The following TRPS1 variants were observed in gnomAD, a reference collection of about 807,000 sequenced individuals.
The protein encoded by TRPS1 is transcriptional repressor GATA binding 1.
In TRPS1, 6 loss-of-function variants were observed where a neutral mutation model predicts 101.2. The observed-to-expected ratio is 0.06, with a 90% CI of 0.03 to 0.12. TRPS1 has a LOEUF of 0.12. Among genes scored for constraint, TRPS1 ranks in the 10% least tolerant of loss-of-function variants. The pLI is 1.00. For synonymous variants in TRPS1, 578 were observed against 589.8 expected (o/e 0.98, Z 0.29); for missense variants, 1,363 against 1,567.0 (o/e 0.87, Z 2.20).
chr8:115,622,864 G>A (rs371319481), intron 2 of TRPS1, among the ~76,000 whole-genome samples: 34 of 152,178 alleles, frequency 2.2e-4, no homozygotes, highest in African/African-American at 7.5e-4. Context: ...CAGGGTGAGC[G>A]ATTAGGAAAA....
At chr8:115,649,784 G>C (rs1811517334) in intron 1 of TRPS1, among the ~76,000 whole-genome samples, 1 of 152,280 alleles carries the variant, frequency 6.6e-6, no homozygotes, top group African/African-American at 2.4e-5. Flanking sequence ...ATGTTCACAA[G>C]TGAAAACACT....
chr8:115,536,996 C>T (rs1816339936), intron 5 of TRPS1, among the ~76,000 whole-genome samples: 1 of 152,036 alleles, frequency 6.6e-6, no homozygotes, highest in Non-Finnish European at 1.5e-5. Flanking sequence ...TTCCTTATCA[C>T]ATCACAAATC....
chr8:115,425,922 C>T (rs1405808578), intron 5 of TRPS1, among the ~76,000 whole-genome samples: 1 of 152,200 alleles, frequency 6.6e-6, no homozygotes, highest in East Asian at 1.9e-4. Context: ...GGAGTTCTAA[C>T]CACGCTGTTT....
At position 115,469,717 on chromosome 8, in the gene TRPS1, C is replaced by T. The variant is rs879475069; in HGVS notation, c.2701-51265G>A. ...CTAATTTTTGTATTTTTAGTAGAGACGGGGTTTCACCATGTTGGCCAGGCT... is the reference window on the plus strand; with the variant it reads ...CTAATTTTTGTATTTTTAGTAGAGATGGGGTTTCACCATGTTGGCCAGGCT... On this transcript the variant is annotated intron_variant, in intron 5 of 6. Transcript: ENST00000395715. Among the ~76,000 whole-genome samples the T allele has an allele frequency of 2.7e-4, 41 of 151,984 alleles. 1 individual carries two copies. The highest frequency in any genetic ancestry group is 1.6e-3 in the Admixed American group (24 of 15,260).
chr8:115,424,597 G>A (rs1056303298), intron 5 of TRPS1, among the ~76,000 whole-genome samples: 3 of 152,184 alleles, frequency 2.0e-5, no homozygotes, highest in Admixed American at 2.0e-4. Context: ...TGTGAATTAC[G>A]TGGAAACTTT....
At chr8:115,417,597 G>C (rs1315774804) in intron 6 of TRPS1, among the ~76,000 whole-genome samples, 1 of 152,068 alleles carries the variant, frequency 6.6e-6, no homozygotes, top group Non-Finnish European at 1.5e-5. Flanking sequence ...TCCATATTCA[G>C]ATGGAGGATT....
chr8:115,511,567 C>T (rs1438459524), intron 5 of TRPS1, among the ~76,000 whole-genome samples: 5 of 151,830 alleles, frequency 3.3e-5, no homozygotes, highest in Non-Finnish European at 7.4e-5. Flanking sequence ...GAAGTGACAC[C>T]TGTGGTTCTA....
At chr8:115,526,026 G>A (rs1185464671) in intron 5 of TRPS1, among the ~76,000 whole-genome samples, 1 of 152,094 alleles carries the variant, frequency 6.6e-6, no homozygotes, top group African/African-American at 2.4e-5. Flanking sequence ...TTACACTGTG[G>A]GAAGAAGGGC....
chr8:115,441,678 A>G (rs1813596431), intron 5 of TRPS1, among the ~76,000 whole-genome samples: 1 of 151,732 alleles, frequency 6.6e-6, no homozygotes, highest in East Asian at 1.9e-4. Flanking sequence ...GAGTATAAAA[A>G]TCTCCACTCA....
At chr8:115,459,945 T>A (rs1814125641) in intron 5 of TRPS1, among the ~76,000 whole-genome samples, 1 of 152,182 alleles carries the variant, frequency 6.6e-6, no homozygotes, top group African/African-American at 2.4e-5. Flanking sequence ...ACATATGTAA[T>A]ATGAAATTAT....
intron 1 of TRPS1, among the ~76,000 whole-genome samples, chr8:115,647,117 A>G (rs1811428903): frequency 6.6e-6 from 1 of 152,128 alleles, no homozygotes; most frequent in Non-Finnish European, 1.5e-5. Context: ...TCTTTACCTA[A>G]TATTAGGTAC....
chr8:115,485,606 T>A (rs1814860138), intron 5 of TRPS1, among the ~76,000 whole-genome samples: 1 of 152,166 alleles, frequency 6.6e-6, no homozygotes, highest in Non-Finnish European at 1.5e-5. Flanking sequence ...GTTGCCTATA[T>A]ATATCATCAA....
chr8:115,666,320 C>A (rs1586510554), intron 1 of TRPS1, among the ~76,000 whole-genome samples: 3 of 151,844 alleles, frequency 2.0e-5, no homozygotes, highest in Admixed American at 2.0e-4. Flanking sequence ...GTATCATTTC[C>A]AGACTGTCCT....
chr8:115,542,820 T>G (rs747184138), intron 5 of TRPS1, among the ~76,000 whole-genome samples: 45 of 152,148 alleles, frequency 3.0e-4, no homozygotes, highest in Non-Finnish European at 6.2e-4. Context: ...CTATTATTAT[T>G]ATGAGAGAAC....
At chr8:115,657,015 G>C (rs1003137365) in intron 1 of TRPS1, among the ~76,000 whole-genome samples, 1 of 152,032 alleles carries the variant, frequency 6.6e-6, no homozygotes, top group African/African-American at 2.4e-5. Context: ...AGAACACAAG[G>C]TGTCAGTTTG....
chr8:115,647,602 T>C (rs1410949818), intron 1 of TRPS1, among the ~76,000 whole-genome samples: 1 of 152,212 alleles, frequency 6.6e-6, no homozygotes, highest in Non-Finnish European at 1.5e-5. Context: ...CACTTCCATC[T>C]ACTCAAGAAT....
chr8:115,590,136 C>CA (rs1449969810), intron 4 of TRPS1, among the ~76,000 whole-genome samples: 7 of 151,720 alleles, frequency 4.6e-5, no homozygotes, highest in African/African-American at 1.7e-4. Flanking sequence ...AAAACAACAA[C>CA]AACAAAAAAA....
intron 1 of TRPS1, among the ~76,000 whole-genome samples, chr8:115,648,317 G>T (rs192596889): frequency 6.6e-6 from 1 of 152,244 alleles, no homozygotes; most frequent in Admixed American, 6.5e-5. Flanking sequence ...TGCAGGCACC[G>T]CGCAGCAGCC....
intron 5 of TRPS1, among the ~76,000 whole-genome samples, chr8:115,486,749 C>A (rs1814889805): frequency 6.6e-6 from 1 of 152,166 alleles, no homozygotes; most frequent in Non-Finnish European, 1.5e-5. Flanking sequence ...TCCATGAAGT[C>A]TGAGAGAGGT....
Sources: gnomAD v4.1 joint callset for allele counts (sites outside exome capture counted in the v4.1 genomes callset) on GRCh38, gnomAD v4.1.1 for gene constraint, MANE v1.5 for transcripts, NCBI Gene and HGNC (gene_info 2026-07-23, HGNC 2026-07-21) for gene names.